ENTPD5: variants seen among roughly 807,000 people sequenced by gnomAD.
The protein encoded by ENTPD5 is ectonucleoside triphosphate diphosphohydrolase 5 (inactive), also known as nucleoside diphosphate phosphatase ENTPD5.
Under a neutral mutation model 60.2 loss-of-function variants are expected in ENTPD5, and 49 were observed. The observed-to-expected ratio is 0.81, with a 90% CI of 0.65 to 1.03. The LOEUF (loss-of-function observed/expected upper bound fraction) is 1.03, where lower values mean the gene tolerates loss of function less well. Ranked by LOEUF, ENTPD5 falls within the 50% of genes least tolerant of loss-of-function variation. The pLI is 0.00. For synonymous variants in ENTPD5, 187 were observed against 185.4 expected (o/e 1.01, Z -0.07); for missense variants, 480 against 507.6 (o/e 0.95, Z 0.52).
Position 73,974,958 on chromosome 14 carries a change from T to C in ENTPD5, c.750A>G (p.Ala250=), listed in dbSNP as rs1348989408. ...HSYLGFGLKA[A]RLATLGALET... ...CCAGGGCTCCCAGGGTTGCTAGTCTTGCAGCTTTCAATCCAAATCCCAGGT... is the reference window on the plus strand; with the variant it reads ...CCAGGGCTCCCAGGGTTGCTAGTCTCGCAGCTTTCAATCCAAATCCCAGGT... The change falls in exon 11 of 16, where the codon GCA becomes GCG. Residue 250 remains alanine, a synonymous_variant. Coordinates refer to ENST00000334696, the MANE Select transcript of ENTPD5 (RefSeq NM_001249.5). 6.2e-7 allele frequency: 1 copy of C among 1,613,584 alleles called. No homozygotes were observed. Among genetic ancestry groups the C allele is most frequent in the Non-Finnish European group, 8.5e-7 (1 of 1,179,702 alleles).
chr14:73,955,898 G>A, downstream of ENTPD5: 1 of 1,614,146 alleles, frequency 6.2e-7, no homozygotes, highest in Non-Finnish European at 8.5e-7. Context: ...CATCATGCAT[G>A]CTCTCACTAA....
Position 73,974,960 on chromosome 14 carries a change from C to T in ENTPD5, c.748G>A (p.Ala250Thr), listed in dbSNP as rs112307116. 6.2e-7 allele frequency: 1 copy of T among 1,613,686 alleles called. No individual in the cohort carries two copies. The highest frequency in any genetic ancestry group is 8.5e-7 in the Non-Finnish European group (1 of 1,179,640). ...HSYLGFGLKA[A>T]RLATLGALET... ...AGGGCTCCCAGGGTTGCTAGTCTTG[C>T]AGCTTTCAATCCAAATCCCAGGTAA... Residue 250 changes from alanine to threonine, a missense_variant, in exon 11 of 16, where the codon GCA (alanine) becomes ACA (threonine). Coordinates refer to ENST00000334696, the MANE Select transcript of ENTPD5 (RefSeq NM_001249.5).
intron 3 of ENTPD5, among the ~76,000 whole-genome samples, chr14:74,003,142 C>A (rs2058562366): frequency 6.6e-6 from 1 of 152,226 alleles, no homozygotes; most frequent in Non-Finnish European, 1.5e-5. Context: ...TTTCTCAACT[C>A]CCCTTACTCT....
intron 3 of ENTPD5, among the ~76,000 whole-genome samples, chr14:73,992,737 G>A (rs73301469): frequency 0.021 from 3,207 of 150,980 alleles, 117 homozygotes; most frequent in African/African-American, 0.074. Context: ...GTGTGGTGGC[G>A]CACGCCTATC....
rs1361210991 is a variant in ENTPD5, at chr14:73,964,573, C to T, written c.*2355G>A. The T allele has an allele frequency of 1.3e-5, 2 of 152,132 alleles. No homozygotes were observed. The highest frequency in any genetic ancestry group is 2.9e-5 in the Non-Finnish European group (2 of 68,028). The allele number at this position is 152,132 out of a possible 1,614,324, so 9.4% of individuals were successfully genotyped here. A position where few individuals can be genotyped will look rare whatever the true frequency, so the allele number is the denominator to read the frequency against. On this transcript the variant is annotated 3_prime_UTR_variant, in exon 16 of 16. Transcript: ENST00000334696. Reference sequence around the variant, plus strand: ...CCCCACAGTGATTAAAGACCAGAGACTTATATCTCTGCATTTGTCAAGCTG... The same window carrying T: ...CCCCACAGTGATTAAAGACCAGAGATTTATATCTCTGCATTTGTCAAGCTG...
chr14:73,958,125 T>G, downstream of ENTPD5: 1 of 1,607,448 alleles, frequency 6.2e-7, no homozygotes, highest in Non-Finnish European at 8.5e-7. Flanking sequence ...TAATTTTTTT[T>G]CCTCTCTTTT....
downstream of ENTPD5, chr14:73,962,966 C>T: frequency 6.2e-7 from 1 of 1,605,792 alleles, no homozygotes; most frequent in Non-Finnish European, 8.5e-7. Context: ...TATTTTTTCT[C>T]CAGGAACAGA....
At chr14:73,959,471 G>A, downstream of ENTPD5, 2 of 1,614,226 alleles carry the variant, frequency 1.2e-6, no homozygotes, top group Non-Finnish European at 8.5e-7. Context: ...ATGCAGCAGA[G>A]CTAGTTAGCA....
At chr14:73,956,151 T>C (rs113608012), downstream of ENTPD5, 4,668 of 465,800 alleles carry the variant, frequency 0.01, 78 homozygotes, top group African/African-American at 0.046. Flanking sequence ...GGTGAAACCC[T>C]GTCTCTACTA....
At chr14:73,993,367 G>C (rs1172895130) in intron 3 of ENTPD5, among the ~76,000 whole-genome samples, 1 of 152,086 alleles carries the variant, frequency 6.6e-6, no homozygotes, top group Non-Finnish European at 1.5e-5. Context: ...AACTAGATTT[G>C]GTCTTAGGTA....
chr14:73,967,658 A>G (rs988584121), intron 15 of ENTPD5, among the ~76,000 whole-genome samples: 2 of 151,922 alleles, frequency 1.3e-5, no homozygotes, highest in African/African-American at 4.8e-5. Context: ...AAATTAGACA[A>G]GAGTGGTGGC....
chr14:73,989,544 A>G (rs534601631), intron 3 of ENTPD5, among the ~76,000 whole-genome samples: 12 of 151,102 alleles, frequency 7.9e-5, no homozygotes, highest in Middle Eastern at 3.4e-3. Flanking sequence ...CTAAAAATAC[A>G]AAAATTAGGC....
In ENTPD5 at chr14:73,987,854, C is replaced by T. The variant is rs757350122; in HGVS notation, c.217+32G>A. ...GAGGAGATGCTAAAGTGTGGATTTA[C>T]AGACTCTACTAAGGGTCCCAGTTGC... On this transcript the variant is annotated intron_variant, in intron 4 of 15. Coordinates refer to ENST00000334696, the MANE Select transcript of ENTPD5 (RefSeq NM_001249.5). 5 of 1,605,118 alleles carry T rather than the reference C, an allele frequency of 3.1e-6. No homozygotes were observed. In the South Asian group the frequency reaches 5.5e-5, roughly 18 times the overall value.
rs1169056308 is a variant in ENTPD5, at chr14:73,966,900, A to G, written c.*28T>C. 6.3e-7 allele frequency: 1 copy of G among 1,576,652 alleles called. No individual in the cohort carries two copies. The highest frequency in any genetic ancestry group is 8.7e-7 in the Non-Finnish European group (1 of 1,146,436). ...CCTCCCCTTAAAAAGGTGTTGGCAA[A>G]TGCAGGTCTCCAAGGAAGTACGTGG... On this transcript the variant is annotated 3_prime_UTR_variant, in exon 16 of 16. Coordinates refer to ENST00000334696, the MANE Select transcript of ENTPD5 (RefSeq NM_001249.5).
intron 6 of ENTPD5, among the ~76,000 whole-genome samples, chr14:73,982,650 G>A (rs966792337): frequency 5.9e-5 from 9 of 152,020 alleles, no homozygotes; most frequent in East Asian, 1.9e-4. Flanking sequence ...CAGCTACTCC[G>A]GAGGCTGAGG....
chr14:73,993,516 A>G (rs1278197295), intron 3 of ENTPD5, among the ~76,000 whole-genome samples: 1 of 152,222 alleles, frequency 6.6e-6, no homozygotes, highest in Non-Finnish European at 1.5e-5. Flanking sequence ...AACAAAGGAA[A>G]CTTCATCCCA....
downstream of ENTPD5, chr14:73,958,089 T>C: frequency 2.1e-6 from 3 of 1,412,890 alleles, no homozygotes; most frequent in Non-Finnish European, 3.0e-6. Context: ...TATGGCTTTT[T>C]CCTCAGCCTA....
In ENTPD5 at chr14:73,966,967, G is replaced by A. The variant is rs750882363; in HGVS notation, c.1248C>T (p.Ala416=). ...NNIETGWALG[A]TFHLLQSLGI... ...CCAGAGACTGCAACAGGTGAAAGGT[G>A]GCCCCCAAGGCCCAGCCCGTCTCTA... Residue 416 remains alanine (A), a synonymous_variant, in exon 16 of 16, where the codon GCC becomes GCT. Transcript: ENST00000334696. The A allele has an allele frequency of 2.8e-5, 46 of 1,614,200 alleles. No individual in the cohort carries two copies. Among genetic ancestry groups the A allele is most frequent in the Non-Finnish European group, 3.8e-5 (45 of 1,180,010 alleles).
downstream of ENTPD5, chr14:73,956,705 ATTAT>A (rs1175692384): frequency 3.9e-5 from 6 of 152,138 alleles, 1 homozygote; most frequent in East Asian, 1.9e-4. Context: ...TTTAAATTGG[ATTAT>A]TTGTTTTTGA....
Sources: allele counts gnomAD v4.1 joint callset (sites outside exome capture counted in the v4.1 genomes callset), GRCh38; gene constraint gnomAD v4.1.1; transcripts MANE v1.5; gene names NCBI Gene and HGNC (gene_info 2026-07-23, HGNC 2026-07-21).